Variants in CTNNA2 observed in about 807,000 individuals in gnomAD.
CTNNA2 encodes catenin alpha-2.
A neutral mutation model predicts 101.0 loss-of-function variants in CTNNA2; 42 were observed. The observed-to-expected ratio is 0.42, with a 90% CI of 0.32 to 0.54. CTNNA2 has a LOEUF of 0.54. Among genes scored for constraint, CTNNA2 ranks in the 20% least tolerant of loss-of-function variants. CTNNA2 has a pLI of 0.14. For missense variants in CTNNA2, 871 were observed against 1,223.1 expected (o/e 0.71, Z 4.29); for synonymous variants, 450 against 456.4 (o/e 0.99, Z 0.18).
At chr2:79,332,935 A>G (rs908762253) in intron 3 of CTNNA2, among the ~76,000 whole-genome samples, 1 of 148,838 alleles carries the variant, frequency 6.7e-6, no homozygotes, top group African/African-American at 2.5e-5. Context: ...AAATTGATTT[A>G]CTGCTCTAAA....
chr2:80,327,692 CA>C (rs1670935013), intron 7 of CTNNA2, among the ~76,000 whole-genome samples: 2 of 152,204 alleles, frequency 1.3e-5, no homozygotes, highest in South Asian at 2.1e-4. Flanking sequence ...CTAATGAAGA[CA>C]GGGGAGCTTA....
intron 3 of CTNNA2, among the ~76,000 whole-genome samples, chr2:79,840,508 T>C (rs893841138): frequency 9.8e-5 from 15 of 152,356 alleles, no homozygotes; most frequent in African/African-American, 3.4e-4. Context: ...TGCTGAACTT[T>C]ACATGCATTT....
chr2:80,098,295 T>A (rs1163540764), intron 7 of CTNNA2, among the ~76,000 whole-genome samples: 1 of 152,238 alleles, frequency 6.6e-6, no homozygotes, highest in Non-Finnish European at 1.5e-5. Context: ...TGCCTGGGTA[T>A]CAGCAGCGGT....
At chr2:80,051,026 G>A (rs1202081108) in intron 7 of CTNNA2, among the ~76,000 whole-genome samples, 4 of 152,188 alleles carry the variant, frequency 2.6e-5, no homozygotes, top group Middle Eastern at 3.4e-3. Context: ...ACACCTAGCC[G>A]AGACTTCTGT....
chr2:80,529,762 C>T (rs1312737075), intron 9 of CTNNA2, among the ~76,000 whole-genome samples: 3 of 152,154 alleles, frequency 2.0e-5, no homozygotes, highest in African/African-American at 7.2e-5. Flanking sequence ...TTAGTCAGAA[C>T]ACCAACTTAA....
At chr2:79,635,435 C>G (rs1048095064) in intron 1 of CTNNA2, among the ~76,000 whole-genome samples, 4 of 150,990 alleles carry the variant, frequency 2.6e-5, no homozygotes, top group African/African-American at 9.8e-5. Context: ...AGCTGGACTC[C>G]GTCACAGAAA....
chr2:80,024,131 A>G (rs982641635), intron 7 of CTNNA2, among the ~76,000 whole-genome samples: 1 of 152,020 alleles, frequency 6.6e-6, no homozygotes, highest in Non-Finnish European at 1.5e-5. Context: ...TTGATGAAAT[A>G]TATTTTACAA....
At chr2:79,586,124 T>G (rs1198023454) in intron 1 of CTNNA2, among the ~76,000 whole-genome samples, 1 of 152,176 alleles carries the variant, frequency 6.6e-6, no homozygotes, top group East Asian at 1.9e-4. Flanking sequence ...TGTGGCATCC[T>G]GTACTCCTCC....
chr2:79,938,561 G>T (rs1204228059), intron 7 of CTNNA2, among the ~76,000 whole-genome samples: 1 of 152,162 alleles, frequency 6.6e-6, no homozygotes, highest in Non-Finnish European at 1.5e-5. Context: ...AACAGCGAGC[G>T]ATCTGTTCGC....
intron 1 of CTNNA2, among the ~76,000 whole-genome samples, chr2:79,527,241 G>T (rs1482288219): frequency 6.6e-6 from 1 of 151,868 alleles, no homozygotes; most frequent in Non-Finnish European, 1.5e-5. Flanking sequence ...ATATACAAAT[G>T]GCAAATAAGC....
At chr2:79,743,157 A>T (rs1470114944) in intron 2 of CTNNA2, among the ~76,000 whole-genome samples, 2 of 149,916 alleles carry the variant, frequency 1.3e-5, no homozygotes, top group Non-Finnish European at 3.0e-5. Flanking sequence ...CACAGAACCT[A>T]CATTCTTGTG....
At chr2:79,248,872 C>G (rs1225433548) in intron 2 of CTNNA2, among the ~76,000 whole-genome samples, 1 of 152,172 alleles carries the variant, frequency 6.6e-6, no homozygotes, top group African/African-American at 2.4e-5. Context: ...CTTCCCTTCC[C>G]TTTTAAATGT....
chr2:79,804,208 T>C (rs1676384885), intron 3 of CTNNA2, among the ~76,000 whole-genome samples: 1 of 152,238 alleles, frequency 6.6e-6, no homozygotes, highest in South Asian at 2.1e-4. Flanking sequence ...TATCATACAG[T>C]GACTATTCAG....
rs575314606 is a variant in CTNNA2, at chr2:79,939,606, A to AT, written c.1056+29816dup. On this transcript the variant is annotated intron_variant, in intron 7 of 18. Transcript: ENST00000402739. Reference sequence around the variant, plus strand: ...TTGTTTTCCTTGTTTGTAATATCCTATTTTTTTATTCTACAATTAGCCATT... The same window carrying AT: ...TTGTTTTCCTTGTTTGTAATATCCTATTTTTTTTATTCTACAATTAGCCATT... Among the ~76,000 whole-genome samples the AT allele has an allele frequency of 2.8e-3, 429 of 152,000 alleles. 1 individual carries two copies. The highest frequency in any genetic ancestry group is 9.6e-3 in the African/African-American group (397 of 41,458).
At chr2:80,352,867 G>A (rs1454476355) in intron 7 of CTNNA2, among the ~76,000 whole-genome samples, 1 of 151,728 alleles carries the variant, frequency 6.6e-6, no homozygotes. Context: ...GATCATATAT[G>A]ATCCTCCACT....
chr2:80,159,029 C>T (rs1326720644), intron 7 of CTNNA2, among the ~76,000 whole-genome samples: 2 of 152,104 alleles, frequency 1.3e-5, no homozygotes, highest in Non-Finnish European at 2.9e-5. Flanking sequence ...TCAGTTGGAC[C>T]ATTCACCCAT....
intron 7 of CTNNA2, among the ~76,000 whole-genome samples, chr2:79,966,660 A>G (rs1020235476): frequency 8.5e-5 from 13 of 152,174 alleles, no homozygotes; most frequent in Admixed American, 4.6e-4. Flanking sequence ...CAATGAAGAG[A>G]TATTCAGAAT....
intron 7 of CTNNA2, among the ~76,000 whole-genome samples, chr2:80,230,827 T>G (rs1709167410): frequency 6.6e-6 from 1 of 152,188 alleles, no homozygotes; most frequent in Non-Finnish European, 1.5e-5. Flanking sequence ...ACCTTTGTAC[T>G]TTTTATTCTG....
Position 79,566,563 on chromosome 2 carries a change from A to G in CTNNA2, c.-6+53356A>G, listed in dbSNP as rs138696762. Among the ~76,000 whole-genome samples the G allele has an allele frequency of 1.2e-3, 181 of 152,166 alleles. 1 individual carries two copies. The highest frequency in any genetic ancestry group is 4.0e-3 in the African/African-American group (165 of 41,536). ...TACCCAAAAGATGAAATGCTGACAC[A>G]CTCAGCTGGTTTCTTTCATTTTACT... is the stretch of plus-strand genomic sequence containing the variant. On this transcript the variant is annotated intron_variant, in intron 1 of 18. Transcript: ENST00000402739.
Sources: gnomAD v4.1 joint callset for allele counts (sites outside exome capture counted in the v4.1 genomes callset) on GRCh38, gnomAD v4.1.1 for gene constraint, MANE v1.5 for transcripts, NCBI Gene and HGNC (gene_info 2026-07-23, HGNC 2026-07-21) for gene names.